The following WDPCP variants were observed in gnomAD, a reference collection of about 807,000 sequenced individuals.
WDPCP encodes the protein WD repeat containing planar cell polarity effector.
WDPCP carries 71 observed loss-of-function variants against 93.1 expected under a neutral mutation model. The ratio of observed to expected loss-of-function variants is 0.76; its 90% CI spans 0.63 to 0.93. The LOEUF (loss-of-function observed/expected upper bound fraction) is 0.93, where lower values mean the gene tolerates loss of function less well. Ranked by LOEUF, WDPCP falls within the 40% of genes least tolerant of loss-of-function variation. The pLI, the probability that WDPCP is intolerant of heterozygous loss-of-function variation, is 0.00. For missense variants in WDPCP, 844 were observed against 887.4 expected, an observed-to-expected ratio of 0.95 and a Z score of 0.62; for synonymous variants, 315 against 315.0, an observed-to-expected ratio of 1.00 and a Z score of 0.00.
chr2:63,338,829 T>C (rs1425701472), intron 12 of WDPCP, among the ~76,000 whole-genome samples: 2 of 151,658 alleles, frequency 1.3e-5, no homozygotes, highest in Admixed American at 6.6e-5. Flanking sequence ...TCCAGCTTTG[T>C]TCTTTTTGTT....
chr2:63,618,648 A>G (rs1709698422), intron 3 of WDPCP, among the ~76,000 whole-genome samples: 1 of 151,850 alleles, frequency 6.6e-6, no homozygotes, highest in Non-Finnish European at 1.5e-5. Context: ...GGCCTTTTAA[A>G]ATGTGTTACT....
intron 17 of WDPCP, among the ~76,000 whole-genome samples, chr2:63,124,087 GC>G (rs1669730325): frequency 2.0e-5 from 3 of 149,022 alleles, no homozygotes; most frequent in Non-Finnish European, 3.0e-5. Context: ...TGATAGATAG[GC>G]ATGAAGTTTT....
At chr2:63,420,532 C>T (rs1187608220) in intron 9 of WDPCP, among the ~76,000 whole-genome samples, 1 of 123,032 alleles carries the variant, frequency 8.1e-6, no homozygotes, top group Non-Finnish European at 1.7e-5. Context: ...GAAACTCCAT[C>T]TCAAAAAAAA....
intron 1 of WDPCP, among the ~76,000 whole-genome samples, chr2:63,570,261 C>T (rs560797374): frequency 6.6e-6 from 1 of 152,240 alleles, no homozygotes; most frequent in Non-Finnish European, 1.5e-5. Context: ...AAAAAGGGTT[C>T]TTTGCTACTT....
chr2:63,378,562 C>A, intron 11 of WDPCP, 53 bp from the exon 12 acceptor site: 1 of 1,610,992 alleles, frequency 6.2e-7, no homozygotes, highest in South Asian at 1.1e-5. Context: ...CCTTCAATTA[C>A]AACAAAATAC....
chr2:63,673,322 A>T (rs1320441014), intron 2 of WDPCP, among the ~76,000 whole-genome samples: 2 of 152,198 alleles, frequency 1.3e-5, no homozygotes, highest in Non-Finnish European at 2.9e-5. Flanking sequence ...TGAAGGATAA[A>T]GTGGTAGGGA....
intron 1 of WDPCP, among the ~76,000 whole-genome samples, chr2:63,499,241 T>A (rs1046875772): frequency 2.0e-5 from 3 of 151,888 alleles, no homozygotes; most frequent in Non-Finnish European, 4.4e-5. Context: ...TAGAGGGAAA[T>A]AGATAAAAAG....
chr2:63,321,610 C>A (rs370553156), intron 12 of WDPCP, among the ~76,000 whole-genome samples: 1 of 152,008 alleles, frequency 6.6e-6, no homozygotes, highest in Admixed American at 6.6e-5. Flanking sequence ...ATTTGGTACA[C>A]GGATATAACT....
At chr2:63,833,743 A>G in the WDPCP span, among the ~76,000 whole-genome samples, 758 of 152,326 alleles carry the variant, frequency 5.0e-3, 3 homozygotes, top group African/African-American at 0.017. Context: ...TTAAAAAATA[A>G]TATAAGAAGA....
At chr2:63,281,283 A>G (rs1398361587) in intron 13 of WDPCP, among the ~76,000 whole-genome samples, 2 of 152,246 alleles carry the variant, frequency 1.3e-5, no homozygotes, top group Non-Finnish European at 2.9e-5. Flanking sequence ...ACAATGTGAT[A>G]CCACTTTACT....
At chr2:63,688,809 G>A (rs72806094) in intron 2 of WDPCP, among the ~76,000 whole-genome samples, 29 of 152,190 alleles carry the variant, frequency 1.9e-4, no homozygotes, top group Non-Finnish European at 3.7e-4. Context: ...GTTGAAATTT[G>A]ATTGCCAATA....
At chr2:63,546,917 TAAA>T (rs1303086417) in intron 1 of WDPCP, among the ~76,000 whole-genome samples, 10 of 151,340 alleles carry the variant, frequency 6.6e-5, no homozygotes, top group Admixed American at 6.6e-4. Flanking sequence ...ACTATTTTTT[TAAA>T]AAAAAGACAA....
chr2:63,791,808 T>G (rs2104003419), intron 2 of WDPCP, among the ~76,000 whole-genome samples: 1 of 152,274 alleles, frequency 6.6e-6, no homozygotes, highest in Admixed American at 6.5e-5. Context: ...TTAGATAAAT[T>G]ACTGAATGTT....
chr2:63,332,758 T>C (rs973096511), intron 12 of WDPCP, among the ~76,000 whole-genome samples: 1 of 152,150 alleles, frequency 6.6e-6, no homozygotes, highest in African/African-American at 2.4e-5. Flanking sequence ...GATCTGTCTT[T>C]TTTATTCTTT....
At chr2:63,206,625 G>C (rs1374808309) in intron 14 of WDPCP, among the ~76,000 whole-genome samples, 1 of 151,796 alleles carries the variant, frequency 6.6e-6, no homozygotes, top group East Asian at 1.9e-4. Context: ...GCTAATTTTT[G>C]TACTTTTTAT....
chr2:63,171,145 T>G (rs1455723206), intron 15 of WDPCP, among the ~76,000 whole-genome samples: 1 of 152,040 alleles, frequency 6.6e-6, no homozygotes, highest in South Asian at 2.1e-4. Flanking sequence ...ATTTTCAGAT[T>G]AGAAAGAAAT....
rs367660194 is a variant in WDPCP at position 63,368,517 on chromosome 2, G to A, written c.1748+9869C>T. 8.6e-5 allele frequency among the ~76,000 whole-genome samples: 13 copies of A among 151,852 alleles called. No individual in the cohort carries two copies. The South Asian group carries it at 2.7e-3, about 32-fold the overall frequency. On this transcript the variant is annotated intron_variant, in intron 12 of 17. Coordinates refer to ENST00000272321, the MANE Select transcript of WDPCP (RefSeq NM_015910.7). ...ATTTTTGTATTTTTAGTAGAGACAG[G>A]GTTTTACCATGTTGGCCGGGCTGGT...
chr2:63,392,121 C>G (rs905993097), intron 10 of WDPCP, among the ~76,000 whole-genome samples: 10 of 152,294 alleles, frequency 6.6e-5, no homozygotes, highest in African/African-American at 2.4e-4. Flanking sequence ...CATCACACTA[C>G]CTGACTTCAA....
At chr2:63,748,024 A>G (rs747355148) in intron 2 of WDPCP, among the ~76,000 whole-genome samples, 2 of 151,930 alleles carry the variant, frequency 1.3e-5, no homozygotes, top group Non-Finnish European at 2.9e-5. Context: ...ATAGAAAGAG[A>G]ATAAGAAAAA....
Sources: gnomAD v4.1 joint callset for allele counts (sites outside exome capture counted in the v4.1 genomes callset) on GRCh38, gnomAD v4.1.1 for gene constraint, MANE v1.5 for transcripts, NCBI Gene and HGNC (gene_info 2026-07-23, HGNC 2026-07-21) for gene names.